CTNNA2: variants seen among roughly 807,000 people sequenced by gnomAD.
CTNNA2 encodes the protein catenin alpha-2.
CTNNA2 carries 42 observed loss-of-function variants against 101.0 expected under a neutral mutation model. That is an observed-to-expected ratio of 0.42 (90% confidence interval 0.32 to 0.54). The LOEUF (loss-of-function observed/expected upper bound fraction) is 0.54, where lower values mean the gene tolerates loss of function less well. CTNNA2 is among the 20% of genes least tolerant of loss of function. The probability of loss-of-function intolerance (pLI) is 0.14; values close to 1 mark genes in which losing one functional copy is unlikely to be tolerated. For missense variants in CTNNA2, 871 were observed against 1,223.1 expected (o/e 0.71, Z 4.29); for synonymous variants, 450 against 456.4 (o/e 0.99, Z 0.18).
chr2:79,557,421 G>A (rs1674512747), intron 1 of CTNNA2, among the ~76,000 whole-genome samples: 2 of 151,940 alleles, frequency 1.3e-5, no homozygotes, highest in Admixed American at 6.6e-5. Context: ...AGCTAGCAGA[G>A]ATGCCCATTT....
chr2:80,480,371 T>C (rs1165778158), intron 9 of CTNNA2, among the ~76,000 whole-genome samples: 1 of 152,028 alleles, frequency 6.6e-6, no homozygotes, highest in Non-Finnish European at 1.5e-5. Flanking sequence ...ACCTATAAAA[T>C]AAAAGCCCCA....
chr2:80,356,246 T>C (rs536363630), intron 7 of CTNNA2, among the ~76,000 whole-genome samples: 1 of 152,272 alleles, frequency 6.6e-6, no homozygotes, highest in East Asian at 1.9e-4. Flanking sequence ...GGATTTAACC[T>C]CACATTGGCA....
intron 3 of CTNNA2, among the ~76,000 whole-genome samples, chr2:79,857,156 C>G (rs139065256): frequency 6.6e-6 from 1 of 152,172 alleles, no homozygotes; most frequent in African/African-American, 2.4e-5. Flanking sequence ...CTGAGATCCC[C>G]TCCCCACCTT....
rs546401724 is a variant in CTNNA2, at chr2:79,359,155, T to A, written c.-317-14676T>A. Among the ~76,000 whole-genome samples the A allele has an allele frequency of 5.9e-5, 9 of 152,210 alleles. No individual in the cohort carries two copies. The South Asian group carries it at 1.2e-3, about 21-fold the overall frequency. ...AACTTTTGATACAGAGGGAGTGGAA[T>A]AATAAAGAGAACTAACTGTGGATGC... On this transcript the variant is annotated intron_variant, in intron 3 of 21. Coordinates refer to the CTNNA2 transcript ENST00000466387.
In CTNNA2 at chr2:79,199,228, T is replaced by G. The variant is rs931052139; in HGVS notation, c.-406+1152T>G. ...AGGCTATAACATGTGTGGCAGACAT[T>G]GTTAACTGTGTGCTCTGTGTTCTTT... is the stretch of plus-strand genomic sequence containing the variant. On this transcript the variant is annotated intron_variant, in intron 2 of 21. Transcript: ENST00000466387. 1.2e-4 allele frequency among the ~76,000 whole-genome samples: 19 copies of G among 152,298 alleles called. No homozygotes were observed. The East Asian group carries it at 3.7e-3, about 29-fold the overall frequency.
intron 3 of CTNNA2, among the ~76,000 whole-genome samples, chr2:79,812,945 G>T (rs1402835651): frequency 6.6e-6 from 1 of 152,106 alleles, no homozygotes; most frequent in South Asian, 2.1e-4. Flanking sequence ...AACACTCCAG[G>T]TGCAATTCTG....
intron 7 of CTNNA2, among the ~76,000 whole-genome samples, chr2:80,089,852 G>C (rs1214747458): frequency 6.6e-6 from 1 of 151,966 alleles, no homozygotes; most frequent in Non-Finnish European, 1.5e-5. Flanking sequence ...AAATTATTTT[G>C]TGTCAAGTGA....
chr2:80,148,512 G>A (rs1703492867), intron 7 of CTNNA2, among the ~76,000 whole-genome samples: 1 of 152,180 alleles, frequency 6.6e-6, no homozygotes, highest in African/African-American at 2.4e-5. Flanking sequence ...GCACTGTGGG[G>A]CAATGCACCC....
intron 4 of CTNNA2, among the ~76,000 whole-genome samples, chr2:79,483,726 G>T (rs555817194): frequency 2.6e-5 from 4 of 152,126 alleles, no homozygotes; most frequent in African/African-American, 9.7e-5. Context: ...AGGTTGCTGC[G>T]AATGCTATTA....
In CTNNA2 at chr2:80,374,682, CGTGTGTGT is replaced by C. The variant is rs57179557; in HGVS notation, c.1057-18502_1057-18495del. 1.9e-4 allele frequency among the ~76,000 whole-genome samples: 26 copies of C among 134,022 alleles called. 1 individual carries two copies. The East Asian group carries it at 3.2e-3, about 16-fold the overall frequency. 87.9% of individuals were successfully genotyped at this position (134,022 alleles called of 152,430 possible). ...TGTCTTTCCTCTGCGTGCGTGCGTG[CGTGTGTGT>C]GTGTGTGTGTGTGTGTGTGTGTGTG... On this transcript the variant is annotated intron_variant, in intron 7 of 18. Coordinates refer to ENST00000402739, the MANE Select transcript of CTNNA2 (RefSeq NM_001282597.3).
At chr2:79,463,677 A>G (rs997805300) in intron 4 of CTNNA2, among the ~76,000 whole-genome samples, 1 of 152,200 alleles carries the variant, frequency 6.6e-6, no homozygotes, top group African/African-American at 2.4e-5. Context: ...TTTCAGTAAT[A>G]CTTCAAGAAA....
intron 9 of CTNNA2, among the ~76,000 whole-genome samples, chr2:80,539,223 G>A (rs549128485): frequency 1.3e-5 from 2 of 151,952 alleles, no homozygotes; most frequent in Admixed American, 6.6e-5. Context: ...GATTATTAAA[G>A]AGTTACAGGA....
At chr2:80,143,626 T>G (rs928314788) in intron 7 of CTNNA2, among the ~76,000 whole-genome samples, 10 of 152,076 alleles carry the variant, frequency 6.6e-5, no homozygotes, top group Admixed American at 3.3e-4. Flanking sequence ...GAGTAGAAGA[T>G]AGATTTCACG....
rs540144310 is a variant in CTNNA2, at chr2:80,146,817, C to A, written c.1056+237020C>A. Among the ~76,000 whole-genome samples the A allele has an allele frequency of 5.1e-3, 727 of 141,754 alleles. 5 individuals are homozygous for A. The highest frequency in any genetic ancestry group is 0.018 in the African/African-American group (698 of 38,200). The allele number at this position is 141,754 out of a possible 152,430, so 93.0% of individuals were successfully genotyped here. ...TCGGCTCACTGCAACCTCTGCCTAC[C>A]AGGTTCAAGTGATTCTCCTGCCTCA... On this transcript the variant is annotated intron_variant, in intron 7 of 18. Coordinates refer to ENST00000402739, the MANE Select transcript of CTNNA2 (RefSeq NM_001282597.3).
chr2:80,492,409 A>G (rs1425584398), intron 9 of CTNNA2, among the ~76,000 whole-genome samples: 6 of 152,180 alleles, frequency 3.9e-5, no homozygotes, highest in Admixed American at 3.3e-4. Flanking sequence ...CAGCATGAGA[A>G]TGGACTCATA....
At chr2:79,760,287 A>ATGTG (rs72350498) in intron 3 of CTNNA2, among the ~76,000 whole-genome samples, 69 of 149,730 alleles carry the variant, frequency 4.6e-4, no homozygotes, top group African/African-American at 5.9e-4. Flanking sequence ...TACATATAAA[A>ATGTG]TGTGTGTGTG....
rs774459976 is a variant in CTNNA2 at position 80,647,763 on chromosome 2, A to G, written c.2753A>G (p.Lys918Arg). 6.2e-7 allele frequency: 1 copy of G among 1,613,656 alleles called. No homozygotes were observed. Among genetic ancestry groups the G allele is most frequent in the Non-Finnish European group, 8.5e-7 (1 of 1,179,634 alleles). The change falls in exon 19 of 19, where the codon AAG becomes AGG. Residue 918 changes from lysine to arginine, a missense_variant. Physicochemically the swap from Lys to Arg is conservative, Grantham distance 26. Around this residue, in one of 5 missense-constraint regions of CTNNA2, gnomAD observed 41 missense variants for 45.1 expected, o/e 0.91. Coordinates refer to ENST00000402739, the MANE Select transcript of CTNNA2 (RefSeq NM_001282597.3). ...GCTCCAGAGAAGAAGCCCCTTGTGA[A>G]GAGAGAAAAGCCTGAAGAATTCCAG... ...MKAPEKKPLV[K>R]REKPEEFQTR...
intron 1 of CTNNA2, among the ~76,000 whole-genome samples, chr2:79,630,725 T>C (rs1679633676): frequency 6.6e-6 from 1 of 152,220 alleles, no homozygotes; most frequent in African/African-American, 2.4e-5. Context: ...ATGTATCTTT[T>C]GCTCCTTTGG....
intron 1 of CTNNA2, among the ~76,000 whole-genome samples, chr2:79,559,234 A>G (rs1325366251): frequency 1.3e-5 from 2 of 151,930 alleles, no homozygotes; most frequent in East Asian, 1.9e-4. Context: ...GAATTAGACT[A>G]TCAGAGGGTG....
Sources: gnomAD v4.1 joint callset for allele counts (sites outside exome capture counted in the v4.1 genomes callset) on GRCh38, gnomAD v4.1.1 for gene constraint, gnomAD v4.1.1 regional missense constraint, MANE v1.5 for transcripts, NCBI Gene and HGNC (gene_info 2026-07-23, HGNC 2026-07-21) for gene names.